ASF1B: variants seen among roughly 807,000 people sequenced by gnomAD.
ASF1B encodes the protein histone chaperone ASF1B.
In ASF1B, 10 loss-of-function variants were observed where a neutral mutation model predicts 16.6. The observed-to-expected ratio is 0.60, with a 90% CI of 0.37 to 1.02. The LOEUF (loss-of-function observed/expected upper bound fraction) is 1.02, where lower values mean the gene tolerates loss of function less well. Among genes scored for constraint, ASF1B ranks in the 50% least tolerant of loss-of-function variants. ASF1B has a pLI of 0.01. For synonymous variants in ASF1B, 101 were observed against 106.2 expected, an observed-to-expected ratio of 0.95 and a Z score of 0.30; for missense variants, 240 against 266.0, an observed-to-expected ratio of 0.90 and a Z score of 0.68.
chr19:14,131,815 A>G (rs1292314612), intron 1 of ASF1B, among the ~76,000 whole-genome samples: 3 of 152,090 alleles, frequency 2.0e-5, no homozygotes, highest in Admixed American at 1.3e-4. Context: ...GCCTTTGTTC[A>G]TAATCAAAGA....
Position 14,136,533 on chromosome 19 carries a change from A to G in ASF1B, c.-77T>C. The G allele has an allele frequency of 7.6e-7, 1 of 1,320,874 alleles. No individual in the cohort carries two copies. Among genetic ancestry groups the G allele is most frequent in the Non-Finnish European group, 1.1e-6 (1 of 940,596 alleles). 81.8% of individuals were successfully genotyped at this position (1,320,874 alleles called of 1,614,324 possible). ...GGCCGCGCCTGGGTCCGGTGGGGTCAGTGGGGTAGGGCTGACCAGGTCCAC... is the reference window on the plus strand; with the variant it reads ...GGCCGCGCCTGGGTCCGGTGGGGTCGGTGGGGTAGGGCTGACCAGGTCCAC... On this transcript the variant is annotated 5_prime_UTR_variant, in exon 1 of 4. Transcript: ENST00000263382.
chr19:14,126,017 A>T lies in ASF1B; in HGVS notation c.225+105T>A, dbSNP rs555064576. 1.0e-5 allele frequency: 9 copies of T among 897,810 alleles called. No individual in the cohort carries two copies. In the Admixed American group the frequency reaches 1.5e-4, roughly 15 times the overall value. The allele number at this position is 897,810 out of a possible 1,614,324, so 55.6% of individuals were successfully genotyped here. A position where few individuals can be genotyped will look rare whatever the true frequency, so the allele number is the denominator to read the frequency against. On this transcript the variant is annotated intron_variant, in intron 2 of 3. Coordinates refer to ENST00000263382, the MANE Select transcript of ASF1B (RefSeq NM_018154.3). ...GGTCTATAGGCGTGAGCCCGTGCCC[A>T]GCTGAACTTGAACTTTTGATTCCTG...
At chr19:14,129,814 A>T (rs534099251) in intron 1 of ASF1B, among the ~76,000 whole-genome samples, 1 of 149,436 alleles carries the variant, frequency 6.7e-6, no homozygotes, top group Non-Finnish European at 1.5e-5. Context: ...TGGGAGGCTG[A>T]GGCGGGTGGA....
At chr19:14,121,274 C>CTTT in intron 3 of ASF1B, 1 of 458,262 alleles carries the variant, frequency 2.2e-6, no homozygotes, top group Admixed American at 4.3e-5. Context: ...ATGTCTGGCT[C>CTTT]ATTTTTTTTT....
In ASF1B at chr19:14,131,069, G is replaced by A. The variant is rs1404278961; in HGVS notation, c.110-4832C>T. ...ACTTTTGTATTTTTAGTAGAGACAG[G>A]GTTTCACCACATTGGCCAGGCTGGT... On this transcript the variant is annotated intron_variant, in intron 1 of 3. Coordinates refer to ENST00000263382, the MANE Select transcript of ASF1B (RefSeq NM_018154.3). 2.0e-5 allele frequency among the ~76,000 whole-genome samples: 3 copies of A among 151,750 alleles called. No individual in the cohort carries two copies. In the East Asian group the frequency reaches 5.8e-4, roughly 29 times the overall value.
At chr19:14,134,487 A>G (rs1967455773) in intron 1 of ASF1B, among the ~76,000 whole-genome samples, 1 of 152,052 alleles carries the variant, frequency 6.6e-6, no homozygotes, top group South Asian at 2.1e-4. Flanking sequence ...ACTAGTTAGC[A>G]TATCCTGGCT....
chr19:14,128,979 C>T (rs911199625), intron 1 of ASF1B, among the ~76,000 whole-genome samples: 1 of 152,312 alleles, frequency 6.6e-6, no homozygotes, highest in East Asian at 1.9e-4. Context: ...CCCACGAGCA[C>T]CTGATGTTGT....
chr19:14,120,787 G>A, intron 3 of ASF1B, 122 bp from the exon 4 acceptor site: 1 of 752,402 alleles, frequency 1.3e-6, no homozygotes, highest in Non-Finnish European at 2.2e-6. Flanking sequence ...TGGAACTCCA[G>A]AAAACACCTG....
intron 2 of ASF1B, among the ~76,000 whole-genome samples, chr19:14,124,286 T>C (rs1599357169): frequency 6.6e-6 from 1 of 152,160 alleles, no homozygotes; most frequent in African/African-American, 2.4e-5. Flanking sequence ...CCCAAGTAGC[T>C]GGGACGACAG....
intron 1 of ASF1B, among the ~76,000 whole-genome samples, chr19:14,130,505 T>TAAAAAA (rs201790325): frequency 7.2e-6 from 1 of 137,988 alleles, no homozygotes; most frequent in Non-Finnish European, 1.6e-5. Flanking sequence ...CCTATCTCTT[T>TAAAAAA]AAAAAAAAAA....
intron 1 of ASF1B, among the ~76,000 whole-genome samples, chr19:14,127,945 C>G (rs2144514694): frequency 6.6e-6 from 1 of 152,230 alleles, no homozygotes; most frequent in East Asian, 1.9e-4. Flanking sequence ...GCCTCAAACC[C>G]TAACTCTTGC....
intron 1 of ASF1B, among the ~76,000 whole-genome samples, chr19:14,135,798 G>A (rs369875643): frequency 1.3e-5 from 2 of 151,740 alleles, no homozygotes; most frequent in South Asian, 4.2e-4. Flanking sequence ...GGTCTCCAGA[G>A]GGAAAATGGG....
chr19:14,121,789 G>A (rs1967242531), intron 2 of ASF1B, 81 bp from the exon 3 acceptor site: 7 of 1,318,802 alleles, frequency 5.3e-6, no homozygotes, highest in East Asian at 2.5e-5. Flanking sequence ...CAAGCATCAT[G>A]TATTTACTGA....
intron 1 of ASF1B, among the ~76,000 whole-genome samples, chr19:14,130,392 G>A (rs1436578177): frequency 6.6e-6 from 1 of 151,888 alleles, no homozygotes; most frequent in Non-Finnish European, 1.5e-5. Context: ...GAAGTGCCCA[G>A]GCATGGTGAT....
At position 14,120,502 on chromosome 19, in the gene ASF1B, C is replaced by T; in HGVS notation, c.566G>A (p.Cys189Tyr). 1 of 1,612,868 alleles carries T rather than the reference C, an allele frequency of 6.2e-7. No individual in the cohort carries two copies. The highest frequency in any genetic ancestry group is 8.5e-7 in the Non-Finnish European group (1 of 1,179,300). The stretch of plus-strand genomic sequence containing the variant: ...GTTCTCAGGGAGGAGGCCAGGGATG[C>T]AGCCAGGGAGCCCCAAGCCCTTGAT... The part of the protein sequence containing the change: ...TPIKGLGLPG[C>Y]IPGLLPENSM... The change falls in exon 4 of 4, where the codon TGC (cysteine) becomes TAC (tyrosine). Residue 189 changes from cysteine to tyrosine, a missense_variant. Cys to Tyr is a radical substitution (Grantham distance 194, BLOSUM62 -2). Transcript: ENST00000263382.
intron 1 of ASF1B, among the ~76,000 whole-genome samples, chr19:14,133,836 C>T (rs1463886383): frequency 7.7e-6 from 1 of 130,148 alleles, no homozygotes; most frequent in African/African-American, 3.0e-5. Context: ...CGGAGTCTCG[C>T]TCTGTCGCCC....
rs557643224 is a variant in ASF1B, at chr19:14,122,285, T to C, written c.226-577A>G. On this transcript the variant is annotated intron_variant, in intron 2 of 3. Coordinates refer to ENST00000263382, the MANE Select transcript of ASF1B (RefSeq NM_018154.3). ...TTTCACCATGTTGGCCAGGCTGGTCTTAAACTCCTGACTTCAGGTGATCTG... is the reference window on the plus strand; with the variant it reads ...TTTCACCATGTTGGCCAGGCTGGTCCTAAACTCCTGACTTCAGGTGATCTG... 2.6e-5 allele frequency among the ~76,000 whole-genome samples: 4 copies of C among 152,164 alleles called. No homozygotes were observed. The East Asian group carries it at 7.7e-4, about 29-fold the overall frequency.
chr19:14,134,923 TAA>T (rs56877772), intron 1 of ASF1B, among the ~76,000 whole-genome samples: 11 of 144,660 alleles, frequency 7.6e-5, no homozygotes, highest in Admixed American at 1.4e-4. Context: ...CCAGCTATAT[TAA>T]AAAAAAAAAA....
intron 1 of ASF1B, 139 bp downstream of exon 1, chr19:14,136,209 C>A: frequency 8.5e-6 from 4 of 470,340 alleles, no homozygotes; most frequent in South Asian, 2.6e-5. Context: ...GGTTGACTGG[C>A]GGGCTGGGGG....
Sources: allele counts gnomAD v4.1 joint callset (sites outside exome capture counted in the v4.1 genomes callset), GRCh38; gene constraint gnomAD v4.1.1; transcripts MANE v1.5; gene names NCBI Gene and HGNC (gene_info 2026-07-23, HGNC 2026-07-21).